PPP3CA: variants seen among roughly 807,000 people sequenced by gnomAD.
PPP3CA encodes protein phosphatase 3 catalytic subunit alpha.
In PPP3CA, 14 loss-of-function variants were observed where a neutral mutation model predicts 66.5. The observed-to-expected ratio is 0.21, with a 90% CI of 0.14 to 0.33. The LOEUF (loss-of-function observed/expected upper bound fraction) is 0.33, where lower values mean the gene tolerates loss of function less well. Among genes scored for constraint, PPP3CA ranks in the 10% least tolerant of loss-of-function variants. The probability of loss-of-function intolerance (pLI) is 1.00; values close to 1 mark genes in which losing one functional copy is unlikely to be tolerated. For synonymous variants in PPP3CA, 232 were observed against 226.2 expected (o/e 1.03, Z -0.23); for missense variants, 317 against 639.5 (o/e 0.50, Z 5.44).
chr4:101,033,479 T>C (rs1727104104), intron 11 of PPP3CA, among the ~76,000 whole-genome samples: 1 of 152,174 alleles, frequency 6.6e-6, no homozygotes, highest in Non-Finnish European at 1.5e-5. Flanking sequence ...CATCTTTTAG[T>C]TACTTAAGAG....
intron 2 of PPP3CA, among the ~76,000 whole-genome samples, chr4:101,132,119 T>C (rs1187095479): frequency 6.6e-6 from 1 of 152,092 alleles, no homozygotes; most frequent in African/African-American, 2.4e-5. Flanking sequence ...CAGACGGAAA[T>C]TTATAGCACT....
Position 101,039,643 on chromosome 4 carries a change from T to C in PPP3CA, c.1241+839A>G, listed in dbSNP as rs185241955. On this transcript the variant is annotated intron_variant, in intron 11 of 13. Coordinates refer to ENST00000394854, the MANE Select transcript of PPP3CA (RefSeq NM_000944.5). ...TGGCATTAAGTCATTCAGTTACTCT[T>C]TAGTGACTGTACCAGGAAGAGGATA... Among the ~76,000 whole-genome samples, 34 of 144,090 alleles carry C rather than the reference T, an allele frequency of 2.4e-4. 5 individuals are homozygous for C. The highest frequency in any genetic ancestry group is 7.2e-3 in the Middle Eastern group (2 of 278). 94.5% of individuals were successfully genotyped at this position (144,090 alleles called of 152,430 possible).
At chr4:101,176,584 G>A (rs1724067140) in intron 2 of PPP3CA, among the ~76,000 whole-genome samples, 1 of 152,120 alleles carries the variant, frequency 6.6e-6, no homozygotes, top group Non-Finnish European at 1.5e-5. Flanking sequence ...AAAATTATAT[G>A]ACTATTTAGA....
chr4:101,047,878 C>G (rs1727836892), intron 10 of PPP3CA, among the ~76,000 whole-genome samples: 1 of 151,976 alleles, frequency 6.6e-6, no homozygotes. Flanking sequence ...ATAGATAGTT[C>G]ACAATTATCA....
At chr4:101,226,972 G>T (rs1269532156) in intron 1 of PPP3CA, among the ~76,000 whole-genome samples, 1 of 151,650 alleles carries the variant, frequency 6.6e-6, no homozygotes, top group Non-Finnish European at 1.5e-5. Context: ...AGTACTGCAG[G>T]TACAAATGTT....
intron 11 of PPP3CA, among the ~76,000 whole-genome samples, chr4:101,034,090 T>C (rs1363046870): frequency 6.6e-6 from 1 of 152,134 alleles, no homozygotes; most frequent in Non-Finnish European, 1.5e-5. Context: ...TCTCCTCTCC[T>C]GATGGGTGAA....
chr4:101,206,812 A>T (rs1271629003), intron 1 of PPP3CA, among the ~76,000 whole-genome samples: 1 of 152,228 alleles, frequency 6.6e-6, no homozygotes, highest in Admixed American at 6.5e-5. Flanking sequence ...AATAGAAAAT[A>T]AAAATGCCTT....
chr4:101,254,199 C>T (rs1726768025), intron 1 of PPP3CA, among the ~76,000 whole-genome samples: 1 of 151,912 alleles, frequency 6.6e-6, no homozygotes, highest in Admixed American at 6.6e-5. Context: ...TACGTATCTG[C>T]CTGAAGTACT....
At chr4:101,135,753 C>T (rs1288893725) in intron 2 of PPP3CA, among the ~76,000 whole-genome samples, 1 of 152,238 alleles carries the variant, frequency 6.6e-6, no homozygotes, top group Non-Finnish European at 1.5e-5. Flanking sequence ...CTCACCCACA[C>T]TAGAAACATT....
At chr4:101,091,858 TAATAATGAA>T (rs1406911888) in intron 6 of PPP3CA, among the ~76,000 whole-genome samples, 8 of 143,040 alleles carry the variant, frequency 5.6e-5, no homozygotes, top group African/African-American at 1.8e-4. Flanking sequence ...ATAATAATAA[TAATAATGAA>T]GAAGAGGAGG....
chr4:101,314,859 A>C (rs1728837308), intron 1 of PPP3CA, among the ~76,000 whole-genome samples: 1 of 152,182 alleles, frequency 6.6e-6, no homozygotes, highest in Non-Finnish European at 1.5e-5. Flanking sequence ...TATAAGGGTA[A>C]CTGCTTCTTA....
At chr4:101,096,579 TCC>T (rs1730204985) in intron 5 of PPP3CA, among the ~76,000 whole-genome samples, 1 of 152,136 alleles carries the variant, frequency 6.6e-6, no homozygotes, top group African/African-American at 2.4e-5. Context: ...TTTTCACTAA[TCC>T]CCCTTTGAAG....
intron 1 of PPP3CA, among the ~76,000 whole-genome samples, chr4:101,242,647 C>A (rs1173629590): frequency 4.6e-5 from 7 of 152,110 alleles, no homozygotes; most frequent in African/African-American, 1.7e-4. Flanking sequence ...ATTAAGAAAT[C>A]TGGGCCAGGT....
chr4:101,182,597 C>T (rs1724275177), intron 2 of PPP3CA, among the ~76,000 whole-genome samples: 1 of 152,148 alleles, frequency 6.6e-6, no homozygotes, highest in Admixed American at 6.5e-5. Flanking sequence ...ATTGGCTTCT[C>T]TCTGGAAAAG....
chr4:101,321,690 A>AG (rs1220464235), intron 1 of PPP3CA, among the ~76,000 whole-genome samples: 2 of 152,236 alleles, frequency 1.3e-5, no homozygotes, highest in Non-Finnish European at 2.9e-5. Context: ...TAAGCCTCCA[A>AG]GATGGGAATA....
intron 1 of PPP3CA, among the ~76,000 whole-genome samples, chr4:101,240,039 T>G (rs2850337): frequency 0.35 from 23,876 of 68,924 alleles, 3,003 homozygotes; most frequent in Admixed American, 0.44. Flanking sequence ...GGTTTTTTTT[T>G]GGGGGGAGCG....
chr4:101,145,763 G>A lies in PPP3CA; in HGVS notation c.260-36685C>T, dbSNP rs555119113. On this transcript the variant is annotated intron_variant, in intron 2 of 13. Transcript: ENST00000394854. ...AAAGCACTCAGAATTTAACTAAAAT[G>A]TAAGAAAATCCATGTAAATAGTGGG... Among the ~76,000 whole-genome samples, 5 of 152,144 alleles carry A rather than the reference G, an allele frequency of 3.3e-5. No homozygotes were observed. In the South Asian group the frequency reaches 1.0e-3, roughly 32 times the overall value.
At chr4:101,156,505 A>G (rs1411878270) in intron 2 of PPP3CA, among the ~76,000 whole-genome samples, 1 of 152,140 alleles carries the variant, frequency 6.6e-6, no homozygotes, top group Non-Finnish European at 1.5e-5. Context: ...ACATGGAGAA[A>G]CCCCGTCTCT....
chr4:101,171,839 A>T lies in PPP3CA; in HGVS notation c.259+24077T>A, dbSNP rs1047515438. ...CAATTGTGTAATCTGTTTAATACCG[A>T]TTTCTGCTAGGATATAAGGATTATG... On this transcript the variant is annotated intron_variant, in intron 2 of 13. Transcript: ENST00000394854. Among the ~76,000 whole-genome samples, 3 of 152,296 alleles carry T rather than the reference A, an allele frequency of 2.0e-5. No individual in the cohort carries two copies. The East Asian group carries it at 5.8e-4, about 29-fold the overall frequency.
Sources: gnomAD v4.1 joint callset for allele counts (sites outside exome capture counted in the v4.1 genomes callset) on GRCh38, gnomAD v4.1.1 for gene constraint, MANE v1.5 for transcripts, NCBI Gene and HGNC (gene_info 2026-07-23, HGNC 2026-07-21) for gene names.